The following SKAP1 variants were observed in gnomAD, a reference collection of about 807,000 sequenced individuals.
SKAP1 encodes the protein src kinase-associated phosphoprotein 1.
Under a neutral mutation model 58.5 loss-of-function variants are expected in SKAP1, and 44 were observed. That is an observed-to-expected ratio of 0.75 (90% confidence interval 0.59 to 0.97). The LOEUF (loss-of-function observed/expected upper bound fraction) is 0.97, where lower values mean the gene tolerates loss of function less well. SKAP1 is among the 50% of genes least tolerant of loss of function. The pLI, the probability that SKAP1 is intolerant of heterozygous loss-of-function variation, is 0.00. For synonymous variants in SKAP1, 127 were observed against 149.7 expected, an observed-to-expected ratio of 0.85 and a Z score of 1.11; for missense variants, 390 against 435.2, an observed-to-expected ratio of 0.90 and a Z score of 0.92.
chr17:48,261,642 C>T (rs2143932566), intron 4 of SKAP1, among the ~76,000 whole-genome samples: 1 of 152,172 alleles, frequency 6.6e-6, no homozygotes, highest in South Asian at 2.1e-4. Flanking sequence ...TGTAAAAATT[C>T]CAAAGCAAGG....
intron 9 of SKAP1, among the ~76,000 whole-genome samples, chr17:48,171,093 G>GTTTTTTTTTTTTTTTTT (rs71141969): frequency 2.8e-5 from 2 of 70,242 alleles, no homozygotes; most frequent in Non-Finnish European, 2.4e-5. Context: ...AATTACTGTT[G>GTTTTTTTTTTTTTTTTT]TTTTTTTTTT....
intron 4 of SKAP1, among the ~76,000 whole-genome samples, chr17:48,272,669 C>T (rs761541722): frequency 1.2e-4 from 18 of 152,116 alleles, no homozygotes; most frequent in Non-Finnish European, 2.4e-4. Flanking sequence ...GATCCTCCTG[C>T]CTTAGCCTCC....
At chr17:48,159,427 C>A (rs1027814774) in intron 11 of SKAP1, among the ~76,000 whole-genome samples, 11 of 152,206 alleles carry the variant, frequency 7.2e-5, no homozygotes, top group African/African-American at 2.4e-5. Flanking sequence ...TCCCTAGATT[C>A]CTAAACAGCA....
intron 1 of SKAP1, among the ~76,000 whole-genome samples, chr17:48,400,765 A>T (rs1012078048): frequency 6.6e-6 from 1 of 152,026 alleles, no homozygotes; most frequent in African/African-American, 2.4e-5. Context: ...AAAATTAAAA[A>T]AAAAGAAAAG....
In SKAP1 at chr17:48,177,824, G is replaced by C. The variant is rs1173424611; in HGVS notation, c.826+2230C>G. 5.3e-5 allele frequency among the ~76,000 whole-genome samples: 8 copies of C among 152,134 alleles called. No individual in the cohort carries two copies. The East Asian group carries it at 1.5e-3, about 29-fold the overall frequency. ...ACTCTAAGAACTGTGATGGATAGAG[G>C]CTTATGGGAAAGAACCTGTTGGCTG... is the stretch of plus-strand genomic sequence containing the variant. On this transcript the variant is annotated intron_variant, in intron 9 of 12. Coordinates refer to ENST00000336915, the MANE Select transcript of SKAP1 (RefSeq NM_003726.4).
At chr17:48,358,507 T>C (rs1023651047) in intron 3 of SKAP1, among the ~76,000 whole-genome samples, 9 of 152,170 alleles carry the variant, frequency 5.9e-5, no homozygotes, top group African/African-American at 1.7e-4. Context: ...TCAGACACCA[T>C]ATAGCAAAAA....
intron 1 of SKAP1, among the ~76,000 whole-genome samples, chr17:48,419,562 C>T (rs1370408963): frequency 6.6e-6 from 1 of 152,056 alleles, no homozygotes; most frequent in African/African-American, 2.4e-5. Flanking sequence ...GGATTACAGG[C>T]GTGAGCCACC....
intron 1 of SKAP1, among the ~76,000 whole-genome samples, chr17:48,405,450 TTTTC>T (rs71141993): frequency 1.1e-5 from 1 of 94,004 alleles, no homozygotes; most frequent in Admixed American, 1.1e-4. Context: ...TCTTTCTTTC[TTTTC>T]TTTCTTTCTT....
intron 4 of SKAP1, among the ~76,000 whole-genome samples, chr17:48,285,706 T>C (rs993124310): frequency 1.3e-5 from 2 of 152,144 alleles, no homozygotes; most frequent in African/African-American, 4.8e-5. Flanking sequence ...ATTTTTATCA[T>C]TCATTTTTTT....
intron 4 of SKAP1, among the ~76,000 whole-genome samples, chr17:48,292,132 C>CAAAAAAA (rs67360130): frequency 8.2e-6 from 1 of 121,584 alleles, no homozygotes; most frequent in African/African-American, 2.9e-5. Context: ...TTAGCCTATT[C>CAAAAAAA]AAAAAAAAAA....
chr17:48,250,702 C>A (rs2065354395), intron 4 of SKAP1, among the ~76,000 whole-genome samples: 3 of 151,976 alleles, frequency 2.0e-5, no homozygotes, highest in Admixed American at 6.6e-5. Context: ...AGTAATAATT[C>A]TTTATTTTTA....
intron 6 of SKAP1, among the ~76,000 whole-genome samples, chr17:48,187,128 A>C (rs181314527): frequency 1.3e-5 from 2 of 152,320 alleles, no homozygotes; most frequent in Non-Finnish European, 2.9e-5. Flanking sequence ...GCTTGTCTTT[A>C]TTTGTAATTG....
rs193187808 is a variant in SKAP1 at position 48,289,609 on chromosome 17, T to G, written c.280+56296A>C. ...AGCTTTCATAAAATAATACTGAGTG[T>G]TTTTTCTTGATTACAAAAAGAATGC... is the stretch of plus-strand genomic sequence containing the variant. On this transcript the variant is annotated intron_variant, in intron 4 of 12. Transcript: ENST00000336915. Among the ~76,000 whole-genome samples, 374 of 152,144 alleles carry G rather than the reference T, an allele frequency of 2.5e-3. 3 individuals carry two copies. In the East Asian group the frequency reaches 0.025, roughly 10 times the overall value.
chr17:48,397,759 C>A (rs983599147), intron 1 of SKAP1, among the ~76,000 whole-genome samples: 4 of 152,186 alleles, frequency 2.6e-5, no homozygotes, highest in Admixed American at 2.0e-4. Context: ...AGACAAATGT[C>A]TCCAAGAGAA....
intron 12 of SKAP1, among the ~76,000 whole-genome samples, chr17:48,135,644 AT>A (rs1318978218): frequency 2.0e-5 from 3 of 151,900 alleles, no homozygotes; most frequent in Non-Finnish European, 2.9e-5. Flanking sequence ...CACGTGGCTA[AT>A]TTTTTAAAAA....
chr17:48,148,995 T>G (rs977454467), intron 11 of SKAP1, among the ~76,000 whole-genome samples: 2 of 152,168 alleles, frequency 1.3e-5, no homozygotes, highest in African/African-American at 4.8e-5. Context: ...CTCTTTTCCT[T>G]GCACCTTGCT....
At chr17:48,239,446 C>T (rs186754067) in intron 4 of SKAP1, among the ~76,000 whole-genome samples, 2 of 152,244 alleles carry the variant, frequency 1.3e-5, no homozygotes, top group African/African-American at 4.8e-5. Flanking sequence ...CTCACAGCTC[C>T]TGCTATAAAA....
At chr17:48,271,337 T>A (rs986189808) in intron 4 of SKAP1, among the ~76,000 whole-genome samples, 3 of 151,080 alleles carry the variant, frequency 2.0e-5, no homozygotes, top group Non-Finnish European at 4.4e-5. Context: ...CTGACAGTGA[T>A]ATTAATATTC....
Position 48,345,945 on chromosome 17 carries a change from G to A in SKAP1, c.240C>T (p.Leu80=), listed in dbSNP as rs571949927. The change falls in exon 4 of 13, where the codon CTC becomes CTT. Residue 80 remains leucine (L), a synonymous_variant. Coordinates refer to ENST00000336915, the MANE Select transcript of SKAP1 (RefSeq NM_003726.4). Reference sequence around the variant, plus strand: ...CTGACAAAAAGGGTGCATCGGATGTGAGGGACAGGCCAAGAGTCCCGCTGT... The same window carrying A: ...CTGACAAAAAGGGTGCATCGGATGTAAGGGACAGGCCAAGAGTCCCGCTGT... ...DNHSGTLGLS[L]TSDAPFLSDY... 126 of 1,613,832 alleles carry A rather than the reference G, an allele frequency of 7.8e-5. No homozygotes were observed. The highest frequency in any genetic ancestry group is 6.9e-4 in the East Asian group (31 of 44,860).
Sources: allele counts gnomAD v4.1 joint callset (sites outside exome capture counted in the v4.1 genomes callset), GRCh38; gene constraint gnomAD v4.1.1; transcripts MANE v1.5; gene names NCBI Gene and HGNC (gene_info 2026-07-23, HGNC 2026-07-21).